The following CBFA2T3 variants were observed in gnomAD, a reference collection of about 807,000 sequenced individuals.
The protein encoded by CBFA2T3 is transcriptional corepressor CBFA2T3.
A neutral mutation model predicts 58.6 loss-of-function variants in CBFA2T3; 31 were observed. That is an observed-to-expected ratio of 0.53 (90% confidence interval 0.40 to 0.71). The LOEUF is 0.71. Ranked by LOEUF, CBFA2T3 falls within the 30% of genes least tolerant of loss-of-function variation. The probability of loss-of-function intolerance (pLI) is 0.00; values close to 1 mark genes in which losing one functional copy is unlikely to be tolerated. For synonymous variants in CBFA2T3, 531 were observed against 421.9 expected, an observed-to-expected ratio of 1.26 and a Z score of -3.17; for missense variants, 1,076 against 963.1, an observed-to-expected ratio of 1.12 and a Z score of -1.55.
intron 1 of CBFA2T3, among the ~76,000 whole-genome samples, chr16:88,923,161 G>C (rs1479365287): frequency 6.6e-6 from 1 of 152,228 alleles, no homozygotes; most frequent in Non-Finnish European, 1.5e-5. Flanking sequence ...GGCACAGCAG[G>C]TTGGCGAGCT....
At chr16:88,972,821 G>C (rs1597804029) in intron 1 of CBFA2T3, among the ~76,000 whole-genome samples, 1 of 152,250 alleles carries the variant, frequency 6.6e-6, no homozygotes, top group Non-Finnish European at 1.5e-5. Context: ...CAGGAGGCGG[G>C]AGGTGAGGTC....
chr16:88,885,912 C>T lies in CBFA2T3; in HGVS notation c.893+49G>A. Reference sequence around the variant, plus strand: ...CTTACCCAGAGGGGAGCAGGGTGAGCCGCGTGTCCACGGCACCCCCAGCCC... The same window carrying T: ...CTTACCCAGAGGGGAGCAGGGTGAGTCGCGTGTCCACGGCACCCCCAGCCC... On this transcript the variant is annotated intron_variant, in intron 6 of 11. Coordinates refer to ENST00000268679, the MANE Select transcript of CBFA2T3 (RefSeq NM_005187.6). The surrounding 1 kb of genome is among the most constrained non-coding windows in gnomAD (Gnocchi z 5.3). 2 of 1,488,038 alleles carry T rather than the reference C, an allele frequency of 1.3e-6. No homozygotes were observed. The highest frequency in any genetic ancestry group is 1.8e-6 in the Non-Finnish European group (2 of 1,097,496). 92.2% of individuals were successfully genotyped at this position (1,488,038 alleles called of 1,614,324 possible).
chr16:88,959,293 C>G (rs1235222901), intron 1 of CBFA2T3, among the ~76,000 whole-genome samples: 1 of 152,212 alleles, frequency 6.6e-6, no homozygotes, highest in African/African-American at 2.4e-5. Context: ...GGGGACAGGG[C>G]ATGACCCTGT....
chr16:88,884,799 C>A, intron 7 of CBFA2T3: 1 of 446,028 alleles, frequency 2.2e-6, no homozygotes, highest in Non-Finnish European at 4.0e-6. Context: ...GGATGAGAAC[C>A]ACGTGGGCAG....
chr16:88,954,419 CCCAAGGCTCCTGACCCCAT>C (rs1972161276), intron 1 of CBFA2T3, among the ~76,000 whole-genome samples: 5 of 83,196 alleles, frequency 6.0e-5, no homozygotes, highest in African/African-American at 9.3e-5. Flanking sequence ...CCTGACCCCA[CCCAAGGCTCCTGACCCCAT>C]CCAAGGCTCC....
At chr16:88,916,956 G>C (rs1970758286) in intron 1 of CBFA2T3, among the ~76,000 whole-genome samples, 1 of 151,712 alleles carries the variant, frequency 6.6e-6, no homozygotes, top group Non-Finnish European at 1.5e-5. Flanking sequence ...TTTAGAAAAA[G>C]AGGGCTGCTT....
intron 1 of CBFA2T3, among the ~76,000 whole-genome samples, chr16:88,946,889 C>T (rs1055368495): frequency 6.6e-6 from 1 of 152,236 alleles, no homozygotes; most frequent in South Asian, 2.1e-4. Context: ...CAGGCTCAAG[C>T]GATCCTCCCA....
At chr16:88,971,339 G>C (rs1343615859) in intron 1 of CBFA2T3, among the ~76,000 whole-genome samples, 1 of 152,146 alleles carries the variant, frequency 6.6e-6, no homozygotes, top group Non-Finnish European at 1.5e-5. Flanking sequence ...CGGAATCCTG[G>C]CCTCAAGTGA....
chr16:88,976,908 T>G lies in CBFA2T3; in HGVS notation c.-101A>C, dbSNP rs1447425219. The G allele has an allele frequency of 7.2e-7, 1 of 1,396,066 alleles. No homozygotes were observed. The highest frequency in any genetic ancestry group is 9.6e-7 in the Non-Finnish European group (1 of 1,042,642). The allele number at this position is 1,396,066 out of a possible 1,614,324, so 86.5% of individuals were successfully genotyped here. On this transcript the variant is annotated 5_prime_UTR_variant, in exon 1 of 12. Transcript: ENST00000268679. Reference sequence around the variant, plus strand: ...CAGCCTTGAGGGAAAGAGGAGGGGCTGGGCCAGCTGGGGCGTCCTGGAGTT... The same window carrying G: ...CAGCCTTGAGGGAAAGAGGAGGGGCGGGGCCAGCTGGGGCGTCCTGGAGTT...
chr16:88,886,325 T>G, intron 5 of CBFA2T3, 183 bp from the exon 6 acceptor site: 6 of 374,726 alleles, frequency 1.6e-5, no homozygotes, highest in East Asian at 4.6e-5. Context: ...GAGGGTGGCG[T>G]GGGAGGGTGG....
chr16:88,962,588 C>G (rs749273407), intron 1 of CBFA2T3, among the ~76,000 whole-genome samples: 5 of 152,186 alleles, frequency 3.3e-5, no homozygotes, highest in Non-Finnish European at 7.3e-5. Context: ...GGGGCCAGAT[C>G]ACCAAAGGGC....
chr16:88,951,727 A>G (rs1972078495), intron 1 of CBFA2T3, among the ~76,000 whole-genome samples: 1 of 152,202 alleles, frequency 6.6e-6, no homozygotes, highest in African/African-American at 2.4e-5. Context: ...GCGGCCAATC[A>G]CAATCCTTCC....
intron 1 of CBFA2T3, among the ~76,000 whole-genome samples, chr16:88,904,712 G>C (rs115619284): frequency 6.6e-6 from 1 of 150,940 alleles, no homozygotes; most frequent in South Asian, 2.1e-4. Context: ...GGACCTTTCC[G>C]GGCCCCACCC....
At position 88,965,579 on chromosome 16, in the gene CBFA2T3, G is replaced by A. The variant is rs564682546; in HGVS notation, c.151+11078C>T. On this transcript the variant is annotated intron_variant, in intron 1 of 11. Transcript: ENST00000268679. ...AGTTTGCAGAACAGGTGTGTGCCAC[G>A]GCCAACACATGCCTCACACACTGTA... Among the ~76,000 whole-genome samples the A allele has an allele frequency of 2.6e-5, 4 of 152,288 alleles. No individual in the cohort carries two copies. The East Asian group carries it at 7.7e-4, about 29-fold the overall frequency.
chr16:88,895,995 C>T (rs1308354595), intron 3 of CBFA2T3, among the ~76,000 whole-genome samples: 3 of 152,206 alleles, frequency 2.0e-5, no homozygotes, highest in African/African-American at 4.8e-5. Context: ...TACTGTGTGT[C>T]CCCAGCCAGA....
intron 1 of CBFA2T3, among the ~76,000 whole-genome samples, chr16:88,964,715 C>T (rs1353079851): frequency 6.6e-6 from 1 of 152,114 alleles, no homozygotes; most frequent in Non-Finnish European, 1.5e-5. Context: ...ACCTTTTTAT[C>T]TTCCCATCCA....
intron 1 of CBFA2T3, among the ~76,000 whole-genome samples, chr16:88,906,064 AG>A (rs369885125): frequency 2.6e-5 from 4 of 152,038 alleles, no homozygotes; most frequent in Non-Finnish European, 5.9e-5. Flanking sequence ...CGTGCGCAGC[AG>A]GGGGGTCCAG....
At chr16:88,966,168 T>A (rs1002018906) in intron 1 of CBFA2T3, among the ~76,000 whole-genome samples, 1 of 152,222 alleles carries the variant, frequency 6.6e-6, no homozygotes, top group Admixed American at 6.5e-5. Context: ...AGGGTCACTC[T>A]GCTCACTGGC....
intron 1 of CBFA2T3, among the ~76,000 whole-genome samples, chr16:88,910,636 G>A (rs950327951): frequency 2.0e-5 from 3 of 152,236 alleles, no homozygotes; most frequent in African/African-American, 7.2e-5. Context: ...GTGCAGGGCG[G>A]CCCTCGCAGC....
Sources: allele counts gnomAD v4.1 joint callset (sites outside exome capture counted in the v4.1 genomes callset), GRCh38; gene constraint gnomAD v4.1.1; non-coding constraint Gnocchi (gnomAD v3.1); transcripts MANE v1.5; gene names NCBI Gene and HGNC (gene_info 2026-07-23, HGNC 2026-07-21).